SH3RF1: variants seen among roughly 807,000 people sequenced by gnomAD.
SH3RF1 encodes the protein E3 ubiquitin-protein ligase SH3RF1.
Under a neutral mutation model 74.0 loss-of-function variants are expected in SH3RF1, and 32 were observed. The observed-to-expected ratio is 0.43, with a 90% CI of 0.33 to 0.58. The LOEUF (loss-of-function observed/expected upper bound fraction) is 0.58. SH3RF1 is among the 20% of genes least tolerant of loss of function. SH3RF1 has a pLI of 0.05. For missense variants in SH3RF1, 954 were observed against 1,130.9 expected (o/e 0.84, Z 2.24); for synonymous variants, 396 against 439.6 (o/e 0.90, Z 1.24).
intron 2 of SH3RF1, among the ~76,000 whole-genome samples, chr4:169,160,962 G>A (rs898729510): frequency 2.1e-4 from 32 of 152,192 alleles, no homozygotes; most frequent in Admixed American, 1.6e-3. Context: ...CATCTCCTTC[G>A]AAAGGTCTGA....
intron 2 of SH3RF1, among the ~76,000 whole-genome samples, chr4:169,232,015 G>A (rs534786950): frequency 1.1e-4 from 16 of 152,336 alleles, no homozygotes; most frequent in African/African-American, 3.8e-4. Flanking sequence ...TCCACTGAAG[G>A]GAGAGAGCAC....
chr4:169,155,441 GA>G (rs745456286), intron 4 of SH3RF1, 38 bp downstream of exon 4: 46 of 1,458,874 alleles, frequency 3.2e-5, no homozygotes, highest in Non-Finnish European at 4.3e-5. Flanking sequence ...TTAGTAAGCT[GA>G]ATATTAACAC....
chr4:169,250,833 C>T (rs1269797600), intron 2 of SH3RF1, among the ~76,000 whole-genome samples: 1 of 152,072 alleles, frequency 6.6e-6, no homozygotes, highest in Non-Finnish European at 1.5e-5. Flanking sequence ...ATGGTGGTCA[C>T]AGAAGACCCT....
rs1018065386 is a variant in SH3RF1, at chr4:169,130,136, C to A, written c.1089G>T (p.Gly363=). 1.9e-6 allele frequency: 3 copies of A among 1,589,156 alleles called. No individual in the cohort carries two copies. The highest frequency in any genetic ancestry group is 1.4e-5 in the African/African-American group (1 of 72,842). Residue 363 remains glycine, a synonymous_variant, in exon 6 of 12, where the codon GGG becomes GGT. Transcript: ENST00000284637. ...TGCTTGGGGGCGGGGTCACAATTAA[C>A]CCGGTGGTACTTATATGAACCTGCC... ...APSQVHISTT[G]LIVTPPPSSP...
intron 2 of SH3RF1, among the ~76,000 whole-genome samples, chr4:169,161,238 A>G (rs10021206): frequency 0.012 from 1,797 of 152,344 alleles, 42 homozygotes; most frequent in African/African-American, 0.041. Flanking sequence ...GGCAATTTAG[A>G]CAGGCAAACT....
chr4:169,149,876 T>C (rs1436738754), intron 4 of SH3RF1, among the ~76,000 whole-genome samples: 1 of 152,192 alleles, frequency 6.6e-6, no homozygotes, highest in African/African-American at 2.4e-5. Flanking sequence ...AGGCTTTTAG[T>C]TAAAAAATAA....
intron 2 of SH3RF1, among the ~76,000 whole-genome samples, chr4:169,169,805 G>A (rs1037145498): frequency 6.6e-6 from 1 of 152,092 alleles, no homozygotes; most frequent in African/African-American, 2.4e-5. Context: ...AGGGCTCACT[G>A]AAGCCTCGAC....
intron 2 of SH3RF1, among the ~76,000 whole-genome samples, chr4:169,242,851 A>G (rs991193931): frequency 6.6e-6 from 1 of 152,150 alleles, no homozygotes; most frequent in African/African-American, 2.4e-5. Context: ...TCAATCTTGG[A>G]CTTCCCAGCC....
intron 4 of SH3RF1, among the ~76,000 whole-genome samples, chr4:169,144,597 G>A (rs548502714): frequency 2.0e-5 from 3 of 152,268 alleles, no homozygotes; most frequent in South Asian, 4.1e-4. Flanking sequence ...TTAAGGATAG[G>A]AGGCACAAAT....
intron 2 of SH3RF1, among the ~76,000 whole-genome samples, chr4:169,183,813 CAAATGTGTTAG>C (rs1734556265): frequency 6.6e-6 from 1 of 150,510 alleles, no homozygotes; most frequent in Non-Finnish European, 1.5e-5. Context: ...CAACAAGAAG[CAAATGTGTTAG>C]GACACGACTG....
intron 2 of SH3RF1, among the ~76,000 whole-genome samples, chr4:169,186,308 T>C (rs1206564143): frequency 1.3e-5 from 2 of 152,060 alleles, no homozygotes; most frequent in African/African-American, 4.8e-5. Flanking sequence ...TGTTTACCTA[T>C]GTAACCCGCA....
intron 4 of SH3RF1, among the ~76,000 whole-genome samples, chr4:169,149,137 C>T (rs1419314858): frequency 6.6e-6 from 1 of 152,184 alleles, no homozygotes; most frequent in African/African-American, 2.4e-5. Context: ...TCTTTACAAT[C>T]TCAGCTCTCT....
chr4:169,249,452 T>C (rs996497255), intron 2 of SH3RF1, among the ~76,000 whole-genome samples: 2 of 152,240 alleles, frequency 1.3e-5, no homozygotes, highest in African/African-American at 4.8e-5. Context: ...GATCTTGGAC[T>C]TCCCAGTCTC....
chr4:169,251,119 C>T (rs946873590), intron 2 of SH3RF1, among the ~76,000 whole-genome samples: 5 of 152,236 alleles, frequency 3.3e-5, no homozygotes, highest in Admixed American at 2.6e-4. Flanking sequence ...AGTGACATGT[C>T]ACACTAACTG....
chr4:169,255,344 C>G (rs1401596862), intron 2 of SH3RF1, among the ~76,000 whole-genome samples: 1 of 152,024 alleles, frequency 6.6e-6, no homozygotes, highest in Non-Finnish European at 1.5e-5. Context: ...CAAAATGCAT[C>G]AGTAAAGTAC....
At chr4:169,114,849 C>G (rs1346196330) in intron 10 of SH3RF1, among the ~76,000 whole-genome samples, 1 of 152,136 alleles carries the variant, frequency 6.6e-6, no homozygotes, top group Non-Finnish European at 1.5e-5. Flanking sequence ...TGTTTACAGG[C>G]TCCCTTAACC....
At chr4:169,226,677 C>A (rs1000992119) in intron 2 of SH3RF1, among the ~76,000 whole-genome samples, 14 of 152,138 alleles carry the variant, frequency 9.2e-5, no homozygotes, top group African/African-American at 3.1e-4. Context: ...AGTGCACCAT[C>A]AATTTTATAG....
chr4:169,150,850 T>C (rs1049738476), intron 4 of SH3RF1, among the ~76,000 whole-genome samples: 2 of 152,142 alleles, frequency 1.3e-5, no homozygotes, highest in Admixed American at 6.5e-5. Context: ...ATCTAAGCCA[T>C]AGAGTATTGC....
At chr4:169,257,525 G>C (rs1731210469) in intron 2 of SH3RF1, among the ~76,000 whole-genome samples, 1 of 152,142 alleles carries the variant, frequency 6.6e-6, no homozygotes, top group South Asian at 2.1e-4. Context: ...CCCCCATCCA[G>C]GCTTGCCTGA....
Sources: gnomAD v4.1 joint callset for allele counts (sites outside exome capture counted in the v4.1 genomes callset) on GRCh38, gnomAD v4.1.1 for gene constraint, MANE v1.5 for transcripts, NCBI Gene and HGNC (gene_info 2026-07-23, HGNC 2026-07-21) for gene names.